PTPRN2: variants seen among roughly 807,000 people sequenced by gnomAD.
PTPRN2 encodes the protein protein tyrosine phosphatase receptor type N2, also known as receptor-type tyrosine-protein phosphatase N2.
Under a neutral mutation model 118.8 loss-of-function variants are expected in PTPRN2, and 74 were observed. The observed-to-expected ratio is 0.62, with a 90% CI of 0.52 to 0.76. The LOEUF (loss-of-function observed/expected upper bound fraction) is 0.76. PTPRN2 is among the 30% of genes least tolerant of loss of function. PTPRN2 has a pLI of 0.00. For missense variants in PTPRN2, 1,481 were observed against 1,394.4 expected (o/e 1.06, Z -0.99); for synonymous variants, 641 against 608.0 (o/e 1.05, Z -0.80).
At chr7:158,502,829 TACTGTGTCCATCAGCC>T (rs1822467767) in intron 1 of PTPRN2, among the ~76,000 whole-genome samples, 2 of 147,024 alleles carry the variant, frequency 1.4e-5, no homozygotes, top group African/African-American at 2.5e-5. Context: ...GTCCATCAAC[TACTGTGTCCATCAGCC>T]ACTGTGTCCA....
chr7:157,615,299 G>A lies in PTPRN2; in HGVS notation c.2344+6063C>T, dbSNP rs956284915. 13 of 375,586 alleles carry A rather than the reference G, an allele frequency of 3.5e-5. No individual in the cohort carries two copies. The highest frequency in any genetic ancestry group is 9.5e-4 in the Middle Eastern group (1 of 1,052). The allele number at this position is 375,586 out of a possible 1,614,324, so 23.3% of individuals were successfully genotyped here. On this transcript the variant is annotated intron_variant, in intron 15 of 22. Transcript: ENST00000389418. The surrounding 1 kb of genome is among the most constrained non-coding windows in gnomAD (Gnocchi z 4.3). ...CCAGAGAGGGCCCTGCAAGAGCGGT[G>A]TGCGTGGGTTGCGGCTGGGTCTGCG...
chr7:158,528,733 C>G (rs553160768), intron 1 of PTPRN2, among the ~76,000 whole-genome samples: 6 of 150,196 alleles, frequency 4.0e-5, no homozygotes, highest in East Asian at 2.0e-4. Flanking sequence ...GGCGGAGCTT[C>G]CAGTAAGCCG....
intron 12 of PTPRN2, among the ~76,000 whole-genome samples, chr7:157,816,747 C>T (rs1251016853): frequency 6.6e-6 from 1 of 150,536 alleles, no homozygotes; most frequent in Non-Finnish European, 1.5e-5. Flanking sequence ...TGCCCTCTAC[C>T]CTCTGCCCTC....
intron 1 of PTPRN2, among the ~76,000 whole-genome samples, chr7:158,584,790 G>A (rs1586986529): frequency 6.6e-6 from 1 of 152,264 alleles, no homozygotes; most frequent in South Asian, 2.1e-4. Flanking sequence ...AGCAGTTATC[G>A]ACCCTGGGTT....
intron 11 of PTPRN2, among the ~76,000 whole-genome samples, chr7:157,916,611 C>G (rs1023454147): frequency 5.9e-5 from 9 of 152,254 alleles, no homozygotes; most frequent in Admixed American, 3.9e-4. Context: ...GCAGAGCACG[C>G]AGCTCCTTGC....
chr7:157,799,847 GGCACCACAGCCGGCCCCC>G (rs2151092780), intron 12 of PTPRN2, among the ~76,000 whole-genome samples: 7 of 125,900 alleles, frequency 5.6e-5, no homozygotes, highest in African/African-American at 1.8e-4. Flanking sequence ...ATCCCTCAGA[GGCACCACAGCCGGCCCCC>G]TCCATCCCTC....
At chr7:157,836,846 T>TCATC (rs879515678) in intron 12 of PTPRN2, among the ~76,000 whole-genome samples, 26 of 151,966 alleles carry the variant, frequency 1.7e-4, no homozygotes, top group African/African-American at 3.1e-4. Context: ...GTGTGTCCAT[T>TCATC]CATCCATCCA....
intron 11 of PTPRN2, among the ~76,000 whole-genome samples, chr7:157,909,892 GAA>G (rs1797986032): frequency 6.6e-6 from 1 of 152,230 alleles, no homozygotes; most frequent in African/African-American, 2.4e-5. Flanking sequence ...TTGAGGGAAT[GAA>G]TAAGTGACTT....
intron 4 of PTPRN2, among the ~76,000 whole-genome samples, chr7:158,201,169 C>A (rs1169332699): frequency 1.3e-5 from 2 of 151,854 alleles, no homozygotes; most frequent in African/African-American, 2.4e-5. Flanking sequence ...TCTCTCTCAG[C>A]CTCCTGAGTA....
chr7:157,789,824 A>C (rs1214265604), intron 12 of PTPRN2, among the ~76,000 whole-genome samples: 1 of 128,526 alleles, frequency 7.8e-6, no homozygotes, highest in East Asian at 2.5e-4. Flanking sequence ...AGTATGTGGT[A>C]TGTTTGTGTG....
chr7:158,545,420 CG>C (rs1039444009), intron 1 of PTPRN2, among the ~76,000 whole-genome samples: 1 of 152,200 alleles, frequency 6.6e-6, no homozygotes, highest in Non-Finnish European at 1.5e-5. Context: ...ACCATTTTCT[CG>C]TATTCTCAAG....
chr7:158,050,517 C>G (rs764768341), intron 11 of PTPRN2, among the ~76,000 whole-genome samples: 78 of 152,304 alleles, frequency 5.1e-4, no homozygotes, highest in Admixed American at 4.0e-3. Flanking sequence ...CCAGACAGTC[C>G]TCTGGTTCTC....
At chr7:157,721,623 G>A (rs566465387) in intron 12 of PTPRN2, among the ~76,000 whole-genome samples, 3 of 152,322 alleles carry the variant, frequency 2.0e-5, no homozygotes, top group African/African-American at 7.2e-5. Context: ...CCTCTACACT[G>A]GGTGTGCCCG....
chr7:158,143,488 C>T (rs958695382), intron 6 of PTPRN2, among the ~76,000 whole-genome samples: 3 of 152,216 alleles, frequency 2.0e-5, no homozygotes, highest in Non-Finnish European at 4.4e-5. Flanking sequence ...GTGTCAGAGT[C>T]GGCCCGGCCA....
intron 12 of PTPRN2, among the ~76,000 whole-genome samples, chr7:157,802,176 T>A (rs747704458): frequency 6.6e-6 from 1 of 152,190 alleles, no homozygotes. Flanking sequence ...GTACGGCAGA[T>A]GTCGAGACCG....
chr7:158,292,092 C>A (rs1428579029), intron 3 of PTPRN2, among the ~76,000 whole-genome samples: 3 of 152,204 alleles, frequency 2.0e-5, no homozygotes, highest in African/African-American at 7.2e-5. Flanking sequence ...ATACAGCCCG[C>A]AAATGGATCC....
chr7:158,311,343 G>T (rs1801713715), intron 3 of PTPRN2, among the ~76,000 whole-genome samples: 1 of 152,266 alleles, frequency 6.6e-6, no homozygotes. Context: ...AGCTCAATAA[G>T]TCAGAAGATT....
intron 11 of PTPRN2, among the ~76,000 whole-genome samples, chr7:158,041,901 C>A (rs1808499837): frequency 6.6e-6 from 1 of 152,216 alleles, no homozygotes. Context: ...AAAGGACAGA[C>A]TTCCTTCAGC....
chr7:158,145,633 G>A (rs1819875234), intron 6 of PTPRN2, among the ~76,000 whole-genome samples: 1 of 152,236 alleles, frequency 6.6e-6, no homozygotes, highest in African/African-American at 2.4e-5. Flanking sequence ...TTGGCGTGGA[G>A]CTGCCAGTAC....
Sources: gnomAD v4.1 joint callset for allele counts (sites outside exome capture counted in the v4.1 genomes callset) on GRCh38, gnomAD v4.1.1 for gene constraint, Gnocchi (gnomAD v3.1) non-coding constraint, MANE v1.5 for transcripts, NCBI Gene and HGNC (gene_info 2026-07-23, HGNC 2026-07-21) for gene names.